DYNLRB1: variants seen among roughly 807,000 people sequenced by gnomAD.
The protein encoded by DYNLRB1 is dynein light chain roadblock-type 1, also known as ROBL/LC7-like 1.
A neutral mutation model predicts 13.5 loss-of-function variants in DYNLRB1; 6 were observed. The ratio of observed to expected loss-of-function variants is 0.44; its 90% confidence interval spans 0.24 to 0.88. The LOEUF (loss-of-function observed/expected upper bound fraction) is 0.88. DYNLRB1 is among the 40% of genes least tolerant of loss of function. The probability of loss-of-function intolerance (pLI) is 0.21; values close to 1 mark genes in which losing one functional copy is unlikely to be tolerated. For synonymous variants in DYNLRB1, 43 were observed against 45.0 expected (o/e 0.96, Z 0.18); for missense variants, 93 against 127.2 (o/e 0.73, Z 1.29).
chr20:34,523,677 A>G (rs1979941191), intron 1 of DYNLRB1, among the ~76,000 whole-genome samples: 1 of 152,126 alleles, frequency 6.6e-6, no homozygotes, highest in Non-Finnish European at 1.5e-5. Context: ...TCACCCCTGC[A>G]TTCCAGGTCC....
At chr20:34,528,109 G>A (rs1441836578) in intron 2 of DYNLRB1, among the ~76,000 whole-genome samples, 1 of 105,138 alleles carries the variant, frequency 9.5e-6, no homozygotes, top group Non-Finnish European at 2.1e-5. Context: ...TCAGGAGATC[G>A]AGACCATCCC....
chr20:34,540,591 T>C lies in DYNLRB1; in HGVS notation c.258T>C (p.Tyr86=), dbSNP rs1273551598. ...TTTTCTCTTTTGCAGATAAAGACTA[T>C]TTCCTGATTGTGATTCAGAATCCAA... ...NEIMVAPDKD[Y]FLIVIQNPTE Residue 86 remains tyrosine, a synonymous_variant, in exon 4 of 4, where the codon TAT becomes TAC. Coordinates refer to ENST00000357156, the MANE Select transcript of DYNLRB1 (RefSeq NM_014183.4). 1.2e-6 allele frequency: 2 copies of C among 1,614,028 alleles called. No individual in the cohort carries two copies.
chr20:34,527,771 C>G (rs1461165446), intron 2 of DYNLRB1, among the ~76,000 whole-genome samples: 2 of 152,146 alleles, frequency 1.3e-5, no homozygotes, highest in Non-Finnish European at 2.9e-5. Context: ...CAGTGAGAGC[C>G]ACAGGCCTAA....
chr20:34,519,476 T>C (rs1415477454), intron 1 of DYNLRB1, among the ~76,000 whole-genome samples: 4 of 152,184 alleles, frequency 2.6e-5, no homozygotes, highest in Admixed American at 2.6e-4. Flanking sequence ...GAGCCGTGAC[T>C]GCACCACTGC....
chr20:34,516,593 G>GGCCCCCCC lies in DYNLRB1; in HGVS notation c.3+137_3+138insCCCGCCCC, dbSNP rs1485046199. On this transcript the variant is annotated intron_variant, in intron 1 of 3. Transcript: ENST00000357156. ...TGGTGGCTGGGCGTGGCCGGGCCCG[G>GGCCCCCCC]GCCCCAGCCGACTTGAGGGTGGAAC... is the stretch of plus-strand genomic sequence containing the variant. The GGCCCCCCC allele has an allele frequency of 3.3e-6, 5 of 1,525,076 alleles. No homozygotes were observed. In the African/African-American group the frequency reaches 7.0e-5, roughly 21 times the overall value. 94.5% of individuals were successfully genotyped at this position (1,525,076 alleles called of 1,614,324 possible).
rs1009744033 is a variant in DYNLRB1, at chr20:34,533,513, C to T, written c.80-1115C>T. 3 of 985,308 alleles carry T rather than the reference C, an allele frequency of 3.0e-6. No individual in the cohort carries two copies. In the African/African-American group the frequency reaches 5.2e-5, roughly 17 times the overall value. The allele number at this position is 985,308 out of a possible 1,614,324, so 61.0% of individuals were successfully genotyped here. On this transcript the variant is annotated intron_variant, in intron 2 of 3. Coordinates refer to ENST00000357156, the MANE Select transcript of DYNLRB1 (RefSeq NM_014183.4). ...CCAGCACAAGCTGACTTTTTCTCTT[C>T]TACTTTTTAGTGTGTAGAAGTTTGT...
chr20:34,540,501 T>C (rs970713404), intron 3 of DYNLRB1, 80 bp from the exon 4 acceptor site: 3 of 1,354,086 alleles, frequency 2.2e-6, no homozygotes, highest in South Asian at 2.5e-5. Flanking sequence ...TGGTTAGTGA[T>C]TTAATGGTTT....
At chr20:34,531,203 G>A (rs77334641) in intron 2 of DYNLRB1, 18 of 152,364 alleles carry the variant, frequency 1.2e-4, no homozygotes, top group African/African-American at 4.3e-4. Flanking sequence ...TTTGATTAAA[G>A]TATCTGTTGA....
At chr20:34,520,333 G>T (rs576971461) in intron 1 of DYNLRB1, among the ~76,000 whole-genome samples, 4 of 151,932 alleles carry the variant, frequency 2.6e-5, no homozygotes, top group African/African-American at 7.3e-5. Flanking sequence ...TAACCTTGTT[G>T]TCATATCATC....
chr20:34,517,980 A>G lies in DYNLRB1; in HGVS notation c.3+1519A>G, dbSNP rs1479438477. Among the ~76,000 whole-genome samples, 8 of 152,268 alleles carry G rather than the reference A, an allele frequency of 5.3e-5. No individual in the cohort carries two copies. In the East Asian group the frequency reaches 1.3e-3, roughly 26 times the overall value. ...TTACCTATTGATGGACGCTAATTCCATAATTTAGCTATTATGAATAGTGCT... is the reference window on the plus strand; with the variant it reads ...TTACCTATTGATGGACGCTAATTCCGTAATTTAGCTATTATGAATAGTGCT... On this transcript the variant is annotated intron_variant, in intron 1 of 3. Coordinates refer to ENST00000357156, the MANE Select transcript of DYNLRB1 (RefSeq NM_014183.4).
intron 2 of DYNLRB1, among the ~76,000 whole-genome samples, chr20:34,533,816 C>T (rs1349722366): frequency 1.3e-5 from 2 of 151,014 alleles, no homozygotes; most frequent in Admixed American, 6.6e-5. Context: ...AAGACTCCAT[C>T]TCAAAAAATA....
chr20:34,516,686 A>G (rs944061698), intron 1 of DYNLRB1: 1 of 1,494,540 alleles, frequency 6.7e-7, no homozygotes, highest in Non-Finnish European at 9.0e-7. Context: ...CTTGACCGGA[A>G]GCGGGAGCCC....
chr20:34,529,125 G>C (rs1304487547), intron 2 of DYNLRB1, among the ~76,000 whole-genome samples: 1 of 152,222 alleles, frequency 6.6e-6, no homozygotes, highest in Non-Finnish European at 1.5e-5. Context: ...CACATGTCTG[G>C]TGTGCTGCCA....
intron 3 of DYNLRB1, among the ~76,000 whole-genome samples, chr20:34,539,413 C>G (rs1013802998): frequency 4.6e-5 from 7 of 152,176 alleles, no homozygotes; most frequent in African/African-American, 1.7e-4. Flanking sequence ...GGTGTGGTTG[C>G]TCACACCTAT....
At chr20:34,516,876 G>A in intron 1 of DYNLRB1, 1 of 1,516,668 alleles carries the variant, frequency 6.6e-7, no homozygotes, top group Non-Finnish European at 8.9e-7. Context: ...AGCTCTGTGA[G>A]GTAGATACAA....
rs375761778 is a variant in DYNLRB1, at chr20:34,534,611, G to A, written c.80-17G>A. Reference sequence around the variant, plus strand: ...GGGGCTCCACATCCTCTCAGTCTCCGTCTGCTCTCCCCTCAGGCATTCCCA... The same window carrying A: ...GGGGCTCCACATCCTCTCAGTCTCCATCTGCTCTCCCCTCAGGCATTCCCA... On this transcript the variant is annotated splice_polypyrimidine_tract_variant and intron_variant, in intron 2 of 3. Coordinates refer to ENST00000357156, the MANE Select transcript of DYNLRB1 (RefSeq NM_014183.4). 1.6e-4 allele frequency: 249 copies of A among 1,541,672 alleles called. No homozygotes were observed. The highest frequency in any genetic ancestry group is 2.0e-4 in the Non-Finnish European group (229 of 1,144,140).
At chr20:34,538,988 TG>T (rs1212878498) in intron 3 of DYNLRB1, among the ~76,000 whole-genome samples, 2 of 152,232 alleles carry the variant, frequency 1.3e-5, no homozygotes, top group Non-Finnish European at 2.9e-5. Context: ...TGAGGTGCCG[TG>T]TGAGAAGTGG....
In DYNLRB1 at chr20:34,537,687, T is replaced by G. The variant is rs1981255676; in HGVS notation, c.247+2892T>G. On this transcript the variant is annotated intron_variant, in intron 3 of 3. Coordinates refer to ENST00000357156, the MANE Select transcript of DYNLRB1 (RefSeq NM_014183.4). Reference sequence around the variant, plus strand: ...AGCCTAGGAGGCCCTGGCGCTGAATTGCCTCAGGATGGCTACAGAACACAG... The same window carrying G: ...AGCCTAGGAGGCCCTGGCGCTGAATGGCCTCAGGATGGCTACAGAACACAG... Among the ~76,000 whole-genome samples, 3 of 152,184 alleles carry G rather than the reference T, an allele frequency of 2.0e-5. No individual in the cohort carries two copies. The South Asian group carries it at 6.2e-4, about 31-fold the overall frequency.
intron 2 of DYNLRB1, chr20:34,530,180 C>G: frequency 8.5e-7 from 1 of 1,175,060 alleles, no homozygotes; most frequent in Admixed American, 4.5e-5. Context: ...TAAAACTGCC[C>G]CTAAAGCCAA....
Sources: gnomAD v4.1 joint callset for allele counts (sites outside exome capture counted in the v4.1 genomes callset) on GRCh38, gnomAD v4.1.1 for gene constraint, MANE v1.5 for transcripts, NCBI Gene and HGNC (gene_info 2026-07-23, HGNC 2026-07-21) for gene names.